The following CDH11 variants were observed in gnomAD, a reference collection of about 807,000 sequenced individuals.
CDH11 encodes cadherin-11.
In CDH11, 11 loss-of-function variants were observed where a neutral mutation model predicts 67.8. That is an observed-to-expected ratio of 0.16 (90% CI 0.10 to 0.27). CDH11 has a LOEUF of 0.27. Ranked by LOEUF, CDH11 falls within the 10% of genes least tolerant of loss-of-function variation. The probability of loss-of-function intolerance (pLI) is 1.00; values close to 1 mark genes in which losing one functional copy is unlikely to be tolerated. For synonymous variants in CDH11, 419 were observed against 400.0 expected (o/e 1.05, Z -0.57); for missense variants, 847 against 1,031.2 (o/e 0.82, Z 2.45).
intron 1 of CDH11, among the ~76,000 whole-genome samples, chr16:65,105,427 C>A (rs891165503): frequency 5.3e-5 from 8 of 152,214 alleles, no homozygotes. Context: ...TCCCACAACA[C>A]AAGATACCTC....
chr16:64,997,334 A>AATAAATAT, intron 4 of CDH11, among the ~76,000 whole-genome samples: 1 of 150,592 alleles, frequency 6.6e-6, no homozygotes, highest in East Asian at 1.9e-4. Flanking sequence ...TAAATAAATA[A>AATAAATAT]ATAAACAAAC....
At position 64,945,945 on chromosome 16, in the gene CDH11, T is replaced by C; in HGVS notation, c.*1658A>G. On this transcript the variant is annotated 3_prime_UTR_variant, in exon 13 of 13. Transcript: ENST00000268603. ...CTTGCAGTGTGACTTTATGTGGTCT[T>C]TCCCCAAGTATTGCTACGTTTTGAC... 9.4e-7 allele frequency: 1 copy of C among 1,058,546 alleles called. No individual in the cohort carries two copies. The highest frequency in any genetic ancestry group is 1.1e-6 in the Non-Finnish European group (1 of 875,092). 65.6% of individuals were successfully genotyped at this position (1,058,546 alleles called of 1,614,324 possible). A position where few individuals can be genotyped will look rare whatever the true frequency, so the allele number is the denominator to read the frequency against.
At chr16:65,057,123 C>A (rs368778781) in intron 1 of CDH11, among the ~76,000 whole-genome samples, 1 of 152,158 alleles carries the variant, frequency 6.6e-6, no homozygotes, top group African/African-American at 2.4e-5. Context: ...GATGGCTGTG[C>A]GGGCTATAGT....
At chr16:65,111,316 C>T (rs562613181) in intron 1 of CDH11, among the ~76,000 whole-genome samples, 29 of 152,058 alleles carry the variant, frequency 1.9e-4, no homozygotes, top group Non-Finnish European at 3.2e-4. Flanking sequence ...AACCCCAGTG[C>T]GATGGGGAAA....
chr16:64,959,884 AT>A (rs1234328733), intron 11 of CDH11, among the ~76,000 whole-genome samples: 1 of 152,232 alleles, frequency 6.6e-6, no homozygotes, highest in African/African-American at 2.4e-5. Flanking sequence ...TTATTTGCCA[AT>A]TGATTTAATC....
chr16:65,063,839 T>C (rs2074269659), intron 1 of CDH11, among the ~76,000 whole-genome samples: 1 of 152,176 alleles, frequency 6.6e-6, no homozygotes, highest in South Asian at 2.1e-4. Flanking sequence ...GTAAGATTGT[T>C]TCCTACTTTG....
Position 65,012,690 on chromosome 16 carries a change from T to C in CDH11, c.-172-7649A>G, listed in dbSNP as rs149750135. 4.2e-3 allele frequency among the ~76,000 whole-genome samples: 647 copies of C among 152,322 alleles called. 1 individual carries two copies. Among genetic ancestry groups the C allele is most frequent in the Middle Eastern group, 0.014 (4 of 294 alleles). ...CTACTGATCTGTTCCTGAATTTCTG[T>C]GAGATCACTTGCAATGCTCTTGAAT... is the stretch of plus-strand genomic sequence containing the variant. On this transcript the variant is annotated intron_variant, in intron 2 of 12. Coordinates refer to ENST00000268603, the MANE Select transcript of CDH11 (RefSeq NM_001797.4).
At position 64,988,301 on chromosome 16, in the gene CDH11, C is replaced by T. The variant is rs375888019; in HGVS notation, c.855G>A (p.Glu285=). Residue 285 remains glutamate, a synonymous_variant, in exon 7 of 13, where the codon GAG becomes GAA. Transcript: ENST00000268603. ...CTTTAGCTTTCACTCTTCCTACTTC[C>T]TCCCCAGGGACGGCTGCTTCTGACA... The part of the protein sequence containing the change: ...MSVSEAAVPG[E]EVGRVKAKDP... The T allele has an allele frequency of 5.0e-4, 806 of 1,613,358 alleles. 2 individuals are homozygous for T. Among genetic ancestry groups the T allele is most frequent in the Non-Finnish European group, 4.7e-4 (558 of 1,179,672 alleles).
intron 3 of CDH11, among the ~76,000 whole-genome samples, chr16:64,999,107 C>T (rs896890446): frequency 2.0e-5 from 3 of 152,174 alleles, no homozygotes; most frequent in African/African-American, 7.2e-5. Flanking sequence ...GCTCTCCTTT[C>T]ACCTCTCTCC....
At chr16:65,086,508 C>A (rs759421925) in intron 1 of CDH11, among the ~76,000 whole-genome samples, 2 of 152,180 alleles carry the variant, frequency 1.3e-5, no homozygotes, top group Non-Finnish European at 2.9e-5. Flanking sequence ...TTTATTCACC[C>A]TTTGTGATTA....
intron 2 of CDH11, among the ~76,000 whole-genome samples, chr16:65,024,086 C>T (rs1215883294): frequency 6.6e-6 from 1 of 152,186 alleles, no homozygotes; most frequent in African/African-American, 2.4e-5. Flanking sequence ...CTGCTCTTTC[C>T]TCTCTCAGGT....
At chr16:64,969,146 T>G (rs550626971) in intron 11 of CDH11, among the ~76,000 whole-genome samples, 25 of 152,306 alleles carry the variant, frequency 1.6e-4, no homozygotes, top group Admixed American at 1.6e-3. Context: ...TTGAAAAATA[T>G]AGATGGTATC....
At chr16:64,973,224 A>G (rs35229) in intron 8 of CDH11, among the ~76,000 whole-genome samples, 184 bp from the exon 9 acceptor site, 109,412 of 152,108 alleles carry the variant, frequency 0.72, 41,617 homozygotes, top group East Asian at 0.99. Context: ...ACTTTGCCAC[A>G]TTGGAATTCC....
intron 3 of CDH11, among the ~76,000 whole-genome samples, chr16:65,000,723 C>T (rs572565550): frequency 2.0e-5 from 3 of 152,118 alleles, no homozygotes; most frequent in South Asian, 2.1e-4. Context: ...GCAGGAGAAT[C>T]GCTTGAAACC....
Position 64,945,276 on chromosome 16 carries a change from A to T in CDH11, c.*2327T>A. The T allele has an allele frequency of 2.3e-6, 1 of 438,994 alleles. No homozygotes were observed. Among genetic ancestry groups the T allele is most frequent in the Non-Finnish European group, 3.2e-6 (1 of 316,700 alleles). The allele number at this position is 438,994 out of a possible 1,614,324, so 27.2% of individuals were successfully genotyped here. A position where few individuals can be genotyped will look rare whatever the true frequency, so the allele number is the denominator to read the frequency against. ...TTTCTAAGAGTGTTCTACAAACAAT[A>T]GAGGCTTAACGAAAAAATAAAAGGT... On this transcript the variant is annotated 3_prime_UTR_variant, in exon 13 of 13. Transcript: ENST00000268603.
At chr16:65,064,716 C>T (rs548141891) in intron 1 of CDH11, among the ~76,000 whole-genome samples, 3 of 152,224 alleles carry the variant, frequency 2.0e-5, no homozygotes, top group Non-Finnish European at 4.4e-5. Context: ...TTTTTGACTG[C>T]CTCATATTTA....
At chr16:65,074,067 T>A (rs1196644495) in intron 1 of CDH11, among the ~76,000 whole-genome samples, 1 of 152,228 alleles carries the variant, frequency 6.6e-6, no homozygotes, top group Non-Finnish European at 1.5e-5. Context: ...CATTTGTTGT[T>A]TTGTTTTGTT....
chr16:65,069,153 TA>T (rs1246168916), intron 1 of CDH11, among the ~76,000 whole-genome samples: 1 of 152,220 alleles, frequency 6.6e-6, no homozygotes, highest in East Asian at 1.9e-4. Context: ...GGAGAACGTT[TA>T]AGTAAAACAG....
At chr16:64,992,751 G>A (rs1288832374) in intron 5 of CDH11, among the ~76,000 whole-genome samples, 164 bp downstream of exon 5, 1 of 152,252 alleles carries the variant, frequency 6.6e-6, no homozygotes, top group Non-Finnish European at 1.5e-5. Context: ...TACTAACTGT[G>A]TGATAGGCAC....
Sources: allele counts gnomAD v4.1 joint callset (sites outside exome capture counted in the v4.1 genomes callset), GRCh38; gene constraint gnomAD v4.1.1; transcripts MANE v1.5; gene names NCBI Gene and HGNC (gene_info 2026-07-23, HGNC 2026-07-21).